The following EYA3 variants were observed in gnomAD, a reference collection of about 807,000 sequenced individuals.
The protein encoded by EYA3 is EYA transcriptional coactivator and phosphatase 3.
Under a neutral mutation model 80.0 loss-of-function variants are expected in EYA3, and 39 were observed. That is an observed-to-expected ratio of 0.49 (90% CI 0.38 to 0.64). The LOEUF is 0.64. Among genes scored for constraint, EYA3 ranks in the 30% least tolerant of loss-of-function variants. The pLI is 0.00. For missense variants in EYA3, 523 were observed against 676.1 expected, an observed-to-expected ratio of 0.77 and a Z score of 2.51; for synonymous variants, 206 against 232.8, an observed-to-expected ratio of 0.88 and a Z score of 1.05.
In EYA3 at chr1:28,013,071, A is replaced by G; in HGVS notation, c.769+40T>C. ...TTGCCTAAAAACAACTGTTGGATGA[A>G]GTGACCTTAAGCCAAAGTTTTCAGA... On this transcript the variant is annotated intron_variant, in intron 9 of 17. Transcript: ENST00000373871. This position sits in a 1 kb window ranked among gnomAD's most constrained non-coding sequence, Gnocchi z 4.0. 6.3e-7 allele frequency: 1 copy of G among 1,583,570 alleles called. No homozygotes were observed. Among genetic ancestry groups the G allele is most frequent in the South Asian group, 1.2e-5 (1 of 86,924 alleles).
chr1:27,987,714 T>C (rs535273108), intron 16 of EYA3, among the ~76,000 whole-genome samples: 159 of 152,216 alleles, frequency 1.0e-3, no homozygotes, highest in African/African-American at 3.5e-3. Flanking sequence ...AGAGACGGAG[T>C]CTCGCTCTGT....
chr1:28,013,116 G>T lies in EYA3; in HGVS notation c.764C>A (p.Ser255Tyr). Residue 255 changes from serine (S) to tyrosine (Y), a missense_variant, in exon 9 of 18, where the codon TCC becomes TAC. Physicochemically the swap from Ser to Tyr is moderately radical, Grantham distance 144 (BLOSUM62 -2). Around this residue, in one of 2 missense-constraint regions of EYA3, gnomAD observed 304 missense variants for 343.3 expected, o/e 0.89. Coordinates refer to ENST00000373871, the MANE Select transcript of EYA3 (RefSeq NM_001990.4). The surrounding 1 kb of genome is among the most constrained non-coding windows in gnomAD (Gnocchi z 4.0). ...MAPAPAAQRL[S>Y]SGDPSTSPSL... ...TTCAGAGCTGCGGTGCTTACCAGAGGAAAGTCTCTGTGCTGCAGGTGCAGG... is the reference window on the plus strand; with the variant it reads ...TTCAGAGCTGCGGTGCTTACCAGAGTAAAGTCTCTGTGCTGCAGGTGCAGG... The T allele has an allele frequency of 6.2e-7, 1 of 1,611,752 alleles. No individual in the cohort carries two copies. Among genetic ancestry groups the T allele is most frequent in the Non-Finnish European group, 8.5e-7 (1 of 1,179,340 alleles).
chr1:28,031,480 T>G (rs1643134902), intron 6 of EYA3, among the ~76,000 whole-genome samples: 2 of 152,242 alleles, frequency 1.3e-5, no homozygotes, highest in Admixed American at 6.5e-5. Flanking sequence ...TAACAATGGG[T>G]AAGTAAGTCT....
intron 1 of EYA3, among the ~76,000 whole-genome samples, chr1:28,069,653 G>A (rs114830012): frequency 0.012 from 1,857 of 149,216 alleles, 39 homozygotes; most frequent in African/African-American, 0.042. Context: ...AGAGGGGGTA[G>A]AAGAGGAAGA....
chr1:28,055,462 C>CTTTTTTTTTTTTTTTTT (rs531586344), intron 2 of EYA3, among the ~76,000 whole-genome samples: 2 of 106,950 alleles, frequency 1.9e-5, no homozygotes, highest in African/African-American at 7.6e-5. Flanking sequence ...TAAAGAAAAT[C>CTTTTTTTTTTTTTTTTT]TTTTTTTTTT....
chr1:28,005,697 G>T (rs1468783437), intron 10 of EYA3, among the ~76,000 whole-genome samples: 1 of 148,710 alleles, frequency 6.7e-6, no homozygotes, highest in Admixed American at 6.7e-5. Context: ...TCTGGGCAAC[G>T]AAGTGAGAAC....
chr1:28,039,612 T>TA (rs1156650031), intron 4 of EYA3, among the ~76,000 whole-genome samples: 1 of 152,178 alleles, frequency 6.6e-6, no homozygotes, highest in East Asian at 1.9e-4. Context: ...CTACTTCTGG[T>TA]ATGAACGCTG....
At chr1:28,080,009 G>A (rs1645364265) in intron 1 of EYA3, among the ~76,000 whole-genome samples, 1 of 152,020 alleles carries the variant, frequency 6.6e-6, no homozygotes, top group Non-Finnish European at 1.5e-5. Flanking sequence ...GCAAACTGCA[G>A]GTACATTGCA....
intron 1 of EYA3, among the ~76,000 whole-genome samples, chr1:28,082,524 T>C (rs1400479864): frequency 1.3e-5 from 2 of 152,154 alleles, no homozygotes. Flanking sequence ...CTAATTTAAA[T>C]ATACTACTCT....
intron 1 of EYA3, among the ~76,000 whole-genome samples, chr1:28,073,128 T>TATATATATATATATATATATATATATA (rs58073802): frequency 3.4e-5 from 1 of 29,240 alleles, no homozygotes; most frequent in African/African-American, 1.9e-4. Context: ...TATATATATA[T>TATATATATATATATATATATATATATA]TTTTTTTTTT....
chr1:28,068,075 C>T (rs1644895008), intron 1 of EYA3, among the ~76,000 whole-genome samples: 1 of 152,110 alleles, frequency 6.6e-6, no homozygotes, highest in African/African-American at 2.4e-5. Context: ...TTCCTTTATG[C>T]CTGTAATCCC....
At chr1:28,064,226 CTTTCAA>C (rs1557635284) in intron 1 of EYA3, among the ~76,000 whole-genome samples, 1 of 151,992 alleles carries the variant, frequency 6.6e-6, no homozygotes, top group African/African-American at 2.4e-5. Context: ...TGAGACGTTG[CTTTCAA>C]TTTCAAATAA....
chr1:28,064,510 T>A (rs1362551320), intron 1 of EYA3, among the ~76,000 whole-genome samples: 1 of 150,688 alleles, frequency 6.6e-6, no homozygotes, highest in African/African-American at 2.4e-5. Flanking sequence ...AAATTAATAA[T>A]GAATATTTTG....
chr1:28,086,205 C>G (rs138984765), intron 1 of EYA3, among the ~76,000 whole-genome samples: 401 of 151,020 alleles, frequency 2.7e-3, no homozygotes, highest in African/African-American at 9.2e-3. Context: ...TGGAAATTAA[C>G]TGTTTAAGTT....
intron 2 of EYA3, among the ~76,000 whole-genome samples, chr1:28,049,648 AT>A (rs949023302): frequency 3.9e-5 from 6 of 152,212 alleles, no homozygotes; most frequent in African/African-American, 1.2e-4. Context: ...TGACAAAAAA[AT>A]CTAACTGTAT....
intron 3 of EYA3, among the ~76,000 whole-genome samples, chr1:28,047,143 CT>C (rs879634856): frequency 0.047 from 6,733 of 143,634 alleles, 210 homozygotes; most frequent in Non-Finnish European, 0.07. Context: ...AGTTAAGTTC[CT>C]TTTTTTTTTT....
intron 7 of EYA3, among the ~76,000 whole-genome samples, chr1:28,024,966 C>T (rs924062990): frequency 2.0e-4 from 30 of 152,118 alleles, no homozygotes; most frequent in Non-Finnish European, 3.8e-4. Flanking sequence ...TTCCCTAACT[C>T]CCCCAGGGAG....
chr1:28,049,529 A>G (rs1644160471), intron 2 of EYA3, among the ~76,000 whole-genome samples: 1 of 152,248 alleles, frequency 6.6e-6, no homozygotes, highest in Admixed American at 6.5e-5. Flanking sequence ...TCCAAAAGCC[A>G]TAAAGGAGAA....
intron 1 of EYA3, among the ~76,000 whole-genome samples, chr1:28,069,585 A>G (rs565181871): frequency 1.6e-4 from 24 of 150,922 alleles, no homozygotes; most frequent in African/African-American, 5.6e-4. Flanking sequence ...AAGAAGAAAA[A>G]AAAAGAGGGT....
Sources: gnomAD v4.1 joint callset for allele counts (sites outside exome capture counted in the v4.1 genomes callset) on GRCh38, gnomAD v4.1.1 for gene constraint, gnomAD v4.1.1 regional missense constraint, Gnocchi (gnomAD v3.1) non-coding constraint, MANE v1.5 for transcripts, NCBI Gene and HGNC (gene_info 2026-07-23, HGNC 2026-07-21) for gene names.